The following SLC4A4 variants were observed in gnomAD, a reference collection of about 807,000 sequenced individuals.
SLC4A4 encodes the protein electrogenic sodium bicarbonate cotransporter 1.
SLC4A4 carries 27 observed loss-of-function variants against 111.5 expected under a neutral mutation model. The observed-to-expected ratio is 0.24, with a 90% CI of 0.18 to 0.33. The LOEUF (loss-of-function observed/expected upper bound fraction) is 0.33, where lower values mean the gene tolerates loss of function less well. Ranked by LOEUF, SLC4A4 falls within the 10% of genes least tolerant of loss-of-function variation. SLC4A4 has a pLI of 1.00. For missense variants in SLC4A4, 909 were observed against 1,315.5 expected (o/e 0.69, Z 4.78); for synonymous variants, 443 against 463.4 (o/e 0.96, Z 0.57).
intron 2 of SLC4A4, among the ~76,000 whole-genome samples, chr4:71,164,104 G>A (rs1744676121): frequency 6.7e-6 from 1 of 148,776 alleles, no homozygotes; most frequent in Non-Finnish European, 1.5e-5. Flanking sequence ...AAATAAGCTG[G>A]GCATGGTGGC....
chr4:71,357,579 T>C (rs550785262), intron 6 of SLC4A4, among the ~76,000 whole-genome samples: 183 of 152,330 alleles, frequency 1.2e-3, no homozygotes, highest in Non-Finnish European at 2.2e-3. Context: ...TAGTAAGATA[T>C]GATAAATGCC....
At chr4:71,289,234 C>A (rs1724141980) in intron 3 of SLC4A4, among the ~76,000 whole-genome samples, 1 of 152,102 alleles carries the variant, frequency 6.6e-6, no homozygotes, top group Admixed American at 6.5e-5. Flanking sequence ...AGGGAAAAGG[C>A]CAATAATGGA....
intron 3 of SLC4A4, among the ~76,000 whole-genome samples, chr4:71,294,639 G>A (rs1724631556): frequency 6.6e-6 from 1 of 152,192 alleles, no homozygotes. Context: ...GAAATTGCTT[G>A]TGAGAGAGAT....
chr4:71,267,791 C>CAAAAAAAAAAAAAAAGAAAAAAAA (rs1722381182), intron 3 of SLC4A4, among the ~76,000 whole-genome samples: 10 of 62,360 alleles, frequency 1.6e-4, no homozygotes, highest in Admixed American at 5.6e-4. Context: ...GAGAGTCTGC[C>CAAAAAAAAAAAAAAAGAAAAAAAA]AAAAAAAAAA....
At chr4:71,338,322 C>T (rs1352355242) in intron 3 of SLC4A4, among the ~76,000 whole-genome samples, 1 of 151,922 alleles carries the variant, frequency 6.6e-6, no homozygotes, top group Non-Finnish European at 1.5e-5. Flanking sequence ...CATTTGTGTA[C>T]ATATATTTCT....
intron 5 of SLC4A4, 56 bp from the exon 6 acceptor site, chr4:71,356,952 A>G: frequency 6.5e-7 from 1 of 1,536,014 alleles, no homozygotes; most frequent in South Asian, 1.1e-5. Flanking sequence ...AGAGTAAAAA[A>G]ATAACTTTGT....
chr4:71,114,685 A>G (rs1433650288), intron 2 of SLC4A4, among the ~76,000 whole-genome samples: 1 of 148,396 alleles, frequency 6.7e-6, no homozygotes, highest in Non-Finnish European at 1.5e-5. Flanking sequence ...GTCAGGAAAC[A>G]ACAGGTGCTG....
At chr4:71,284,053 G>A (rs1723726230) in intron 3 of SLC4A4, among the ~76,000 whole-genome samples, 1 of 152,174 alleles carries the variant, frequency 6.6e-6, no homozygotes, top group South Asian at 2.1e-4. Flanking sequence ...GATAAGGGTA[G>A]TAAGAGTAAT....
At chr4:71,425,680 C>G (rs1272924238) in intron 7 of SLC4A4, among the ~76,000 whole-genome samples, 1 of 151,986 alleles carries the variant, frequency 6.6e-6, no homozygotes, top group Non-Finnish European at 1.5e-5. Flanking sequence ...AAGGAAAACT[C>G]AAAGTGGGGG....
intron 3 of SLC4A4, among the ~76,000 whole-genome samples, chr4:71,318,189 A>G (rs1401764617): frequency 6.6e-6 from 1 of 152,050 alleles, no homozygotes; most frequent in African/African-American, 2.4e-5. Context: ...ACCCCAAATA[A>G]CATTGGAAAG....
intron 1 of SLC4A4, among the ~76,000 whole-genome samples, chr4:71,229,442 A>G (rs940326153): frequency 6.6e-6 from 1 of 152,204 alleles, no homozygotes; most frequent in Non-Finnish European, 1.5e-5. Flanking sequence ...AACTTTTAAT[A>G]CAGTTCATAA....
intron 15 of SLC4A4, among the ~76,000 whole-genome samples, chr4:71,496,433 C>T (rs1344748129): frequency 1.3e-5 from 2 of 151,954 alleles, no homozygotes; most frequent in Non-Finnish European, 2.9e-5. Flanking sequence ...CAGCCTGATC[C>T]CATGGGAGCT....
intron 2 of SLC4A4, among the ~76,000 whole-genome samples, chr4:71,151,756 TAAA>T (rs35840387): frequency 2.3e-5 from 3 of 127,902 alleles, no homozygotes; most frequent in Non-Finnish European, 1.7e-5. Flanking sequence ...CCATTTCTAC[TAAA>T]AAAAAAAAAA....
chr4:71,231,532 G>A (rs1009410775), intron 1 of SLC4A4, among the ~76,000 whole-genome samples: 6 of 152,200 alleles, frequency 3.9e-5, no homozygotes, highest in African/African-American at 1.4e-4. Flanking sequence ...CCTTGCTTTG[G>A]GTGTGGACTT....
chr4:71,300,810 C>A (rs561822122), intron 3 of SLC4A4: 2 of 405,414 alleles, frequency 4.9e-6, no homozygotes, highest in South Asian at 4.3e-5. Flanking sequence ...GCAGTGCAAA[C>A]CCCTGAGGTG....
intron 13 of SLC4A4, among the ~76,000 whole-genome samples, chr4:71,467,048 C>T (rs1210997159): frequency 6.6e-6 from 1 of 151,474 alleles, no homozygotes; most frequent in Non-Finnish European, 1.5e-5. Context: ...CAGTGCTTAT[C>T]CCCGAGGACT....
chr4:71,319,956 A>G (rs1726988993), intron 3 of SLC4A4, among the ~76,000 whole-genome samples: 1 of 152,008 alleles, frequency 6.6e-6, no homozygotes, highest in Non-Finnish European at 1.5e-5. Context: ...TGCTGCCACT[A>G]GATAGGAGTG....
At chr4:71,278,398 ATG>A (rs1297366861) in intron 3 of SLC4A4, among the ~76,000 whole-genome samples, 1 of 152,190 alleles carries the variant, frequency 6.6e-6, no homozygotes, top group Non-Finnish European at 1.5e-5. Flanking sequence ...TGTGGTGAAT[ATG>A]TGAGTGCCAA....
intron 6 of SLC4A4, among the ~76,000 whole-genome samples, chr4:71,365,190 G>T (rs1731133297): frequency 6.6e-6 from 1 of 152,154 alleles, no homozygotes; most frequent in Non-Finnish European, 1.5e-5. Context: ...TAAAAGAACT[G>T]AAATGATTCT....
Sources: gnomAD v4.1 joint callset for allele counts (sites outside exome capture counted in the v4.1 genomes callset) on GRCh38, gnomAD v4.1.1 for gene constraint, MANE v1.5 for transcripts, NCBI Gene and HGNC (gene_info 2026-07-23, HGNC 2026-07-21) for gene names.